Variants in ZNF521 observed in about 807,000 individuals in gnomAD.
The protein encoded by ZNF521 is LYST-interacting protein 3.
Under a neutral mutation model 105.5 loss-of-function variants are expected in ZNF521, and 14 were observed. The ratio of observed to expected loss-of-function variants is 0.13; its 90% CI spans 0.09 to 0.21. ZNF521 has a LOEUF of 0.21. Among genes scored for constraint, ZNF521 ranks in the 10% least tolerant of loss-of-function variants. ZNF521 has a pLI of 1.00. For synonymous variants in ZNF521, 635 were observed against 606.0 expected (o/e 1.05, Z -0.70); for missense variants, 1,233 against 1,629.7 (o/e 0.76, Z 4.19).
chr18:25,161,001 C>G (rs1040149348), intron 5 of ZNF521, among the ~76,000 whole-genome samples: 9 of 152,178 alleles, frequency 5.9e-5, no homozygotes, highest in African/African-American at 2.2e-4. Flanking sequence ...CTGTGGCAAG[C>G]TAATAAGGTG....
chr18:25,228,344 C>T (rs576447693), intron 3 of ZNF521, among the ~76,000 whole-genome samples: 2 of 152,260 alleles, frequency 1.3e-5, no homozygotes, highest in Admixed American at 1.3e-4. Context: ...TGAAAGATAA[C>T]CAGGATTTCT....
chr18:25,270,201 G>A (rs969027329), intron 3 of ZNF521, among the ~76,000 whole-genome samples: 2 of 151,600 alleles, frequency 1.3e-5, no homozygotes, highest in East Asian at 1.9e-4. Flanking sequence ...GATAAATTCC[G>A]GGACACAAAC....
At chr18:25,242,584 G>A (rs899824550) in intron 3 of ZNF521, among the ~76,000 whole-genome samples, 1 of 152,080 alleles carries the variant, frequency 6.6e-6, no homozygotes, top group Non-Finnish European at 1.5e-5. Flanking sequence ...TTACTGGGGA[G>A]AATTCAATTA....
At chr18:25,268,709 C>T (rs751167732) in intron 3 of ZNF521, among the ~76,000 whole-genome samples, 171 of 152,254 alleles carry the variant, frequency 1.1e-3, no homozygotes, top group Non-Finnish European at 2.1e-3. Flanking sequence ...AAATAAAATC[C>T]TTTACAAACA....
intron 7 of ZNF521, among the ~76,000 whole-genome samples, chr18:25,085,388 A>AT (rs2033598423): frequency 6.6e-6 from 1 of 151,968 alleles, no homozygotes; most frequent in South Asian, 2.1e-4. Flanking sequence ...TGTGACTTAG[A>AT]TTAAACGTTT....
chr18:25,349,456 A>G (rs1914605639), intron 2 of ZNF521, among the ~76,000 whole-genome samples: 1 of 152,222 alleles, frequency 6.6e-6, no homozygotes, highest in Admixed American at 6.5e-5. Context: ...TCCCGAACTA[A>G]AACTTCTGCG....
chr18:25,268,788 A>G (rs1458144454), intron 3 of ZNF521, among the ~76,000 whole-genome samples: 1 of 152,208 alleles, frequency 6.6e-6, no homozygotes, highest in Non-Finnish European at 1.5e-5. Context: ...AGCACTAAAC[A>G]TGGAAAGAAA....
intron 2 of ZNF521, among the ~76,000 whole-genome samples, chr18:25,325,945 A>G (rs1913191653): frequency 6.6e-6 from 1 of 152,156 alleles, no homozygotes; most frequent in South Asian, 2.1e-4. Flanking sequence ...TGTTATTGCT[A>G]TAACTTGCTT....
intron 3 of ZNF521, among the ~76,000 whole-genome samples, chr18:25,290,911 A>ATGGATGGG (rs1354071507): frequency 6.6e-6 from 1 of 152,298 alleles, no homozygotes; most frequent in East Asian, 1.9e-4. Flanking sequence ...GGATGGATGG[A>ATGGATGGG]TGGATGGGTA....
intron 3 of ZNF521, among the ~76,000 whole-genome samples, chr18:25,312,886 G>T (rs1359352379): frequency 3.3e-5 from 5 of 151,776 alleles, no homozygotes; most frequent in African/African-American, 1.2e-4. Flanking sequence ...TTTGGTAACT[G>T]CATGGAAGAA....
intron 4 of ZNF521, among the ~76,000 whole-genome samples, chr18:25,209,154 C>G (rs532708536): frequency 2.5e-4 from 38 of 151,254 alleles, no homozygotes; most frequent in Middle Eastern, 3.4e-3. Context: ...TTTTTTGAGA[C>G]AGCATCTCGC....
intron 5 of ZNF521, among the ~76,000 whole-genome samples, chr18:25,186,854 T>C (rs73404941): frequency 0.061 from 9,029 of 148,644 alleles, 637 homozygotes; most frequent in African/African-American, 0.18. Flanking sequence ...AAAAACCTTG[T>C]CTAGTAGAAA....
At chr18:25,139,188 G>A (rs760407061) in intron 5 of ZNF521, among the ~76,000 whole-genome samples, 13 of 151,616 alleles carry the variant, frequency 8.6e-5, no homozygotes, top group Non-Finnish European at 1.2e-4. Context: ...GGCCAACATG[G>A]TGAAACCCCG....
intron 4 of ZNF521, among the ~76,000 whole-genome samples, chr18:25,197,428 A>G (rs1392727132): frequency 6.6e-6 from 1 of 151,926 alleles, no homozygotes; most frequent in Admixed American, 6.6e-5. Flanking sequence ...GCCATGATGT[A>G]AAATTCATTT....
intron 2 of ZNF521, among the ~76,000 whole-genome samples, chr18:25,344,457 G>A (rs551893728): frequency 2.0e-5 from 3 of 152,158 alleles, no homozygotes; most frequent in African/African-American, 2.4e-5. Context: ...AACAAACAAG[G>A]TATATGCAAT....
At chr18:25,310,875 T>G (rs1912268551) in intron 3 of ZNF521, among the ~76,000 whole-genome samples, 1 of 152,224 alleles carries the variant, frequency 6.6e-6, no homozygotes, top group Non-Finnish European at 1.5e-5. Flanking sequence ...CTGTTCCAAA[T>G]ATATTTTTTA....
At chr18:25,118,505 A>G (rs2034372409) in intron 5 of ZNF521, among the ~76,000 whole-genome samples, 1 of 152,050 alleles carries the variant, frequency 6.6e-6, no homozygotes, top group African/African-American at 2.4e-5. Context: ...AATCTATATC[A>G]CAGATTGACA....
intron 5 of ZNF521, among the ~76,000 whole-genome samples, chr18:25,163,118 C>T (rs1273242574): frequency 2.0e-5 from 3 of 152,018 alleles, no homozygotes; most frequent in Admixed American, 6.6e-5. Context: ...TGCTTGCTTT[C>T]TAATCAATGA....
At chr18:25,182,563 C>A (rs957117943) in intron 5 of ZNF521, among the ~76,000 whole-genome samples, 5 of 152,112 alleles carry the variant, frequency 3.3e-5, no homozygotes, top group African/African-American at 1.2e-4. Context: ...TTTATTCATT[C>A]TTTATTATAA....
Sources: gnomAD v4.1 joint callset for allele counts (sites outside exome capture counted in the v4.1 genomes callset) on GRCh38, gnomAD v4.1.1 for gene constraint, MANE v1.5 for transcripts, NCBI Gene and HGNC (gene_info 2026-07-23, HGNC 2026-07-21) for gene names.